DLGAP1: variants seen among roughly 807,000 people sequenced by gnomAD.
DLGAP1 encodes disks large-associated protein 1.
DLGAP1 carries 11 observed loss-of-function variants against 90.8 expected under a neutral mutation model. The ratio of observed to expected loss-of-function variants is 0.12; its 90% confidence interval spans 0.08 to 0.20. The LOEUF (loss-of-function observed/expected upper bound fraction) is 0.20, where lower values mean the gene tolerates loss of function less well. Among genes scored for constraint, DLGAP1 ranks in the 10% least tolerant of loss-of-function variants. The pLI, the probability that DLGAP1 is intolerant of heterozygous loss-of-function variation, is 1.00. For missense variants in DLGAP1, 1,050 were observed against 1,333.8 expected, an observed-to-expected ratio of 0.79 and a Z score of 3.31; for synonymous variants, 558 against 540.7, an observed-to-expected ratio of 1.03 and a Z score of -0.44.
intron 6 of DLGAP1, among the ~76,000 whole-genome samples, chr18:3,741,122 C>T (rs1166730177): frequency 7.8e-6 from 1 of 127,862 alleles, no homozygotes. Flanking sequence ...CCACCACCAT[C>T]ACCACCACCA....
At chr18:3,838,239 C>A (rs1204907307) in intron 4 of DLGAP1, among the ~76,000 whole-genome samples, 1 of 152,160 alleles carries the variant, frequency 6.6e-6, no homozygotes, top group East Asian at 1.9e-4. Flanking sequence ...TGTAACTAGT[C>A]CAGTTGAGCT....
chr18:3,930,182 G>A (rs2072484630), intron 3 of DLGAP1, among the ~76,000 whole-genome samples: 1 of 152,134 alleles, frequency 6.6e-6, no homozygotes, highest in Non-Finnish European at 1.5e-5. Flanking sequence ...GTGGGCCATA[G>A]GAAGTTCTTT....
chr18:4,129,544 T>C (rs2076282941), intron 2 of DLGAP1, among the ~76,000 whole-genome samples: 1 of 152,204 alleles, frequency 6.6e-6, no homozygotes. Context: ...GCCAATCTGC[T>C]TTCTTGTAGA....
At chr18:4,211,646 T>C (rs550606052) in intron 1 of DLGAP1, among the ~76,000 whole-genome samples, 5 of 152,238 alleles carry the variant, frequency 3.3e-5, no homozygotes, top group Middle Eastern at 3.4e-3. Context: ...TGGTGAGTCA[T>C]GATTCCCTGC....
At chr18:3,759,739 G>C (rs2063872197) in intron 5 of DLGAP1, among the ~76,000 whole-genome samples, 1 of 152,198 alleles carries the variant, frequency 6.6e-6, no homozygotes, top group African/African-American at 2.4e-5. Flanking sequence ...TAACAGATGT[G>C]CAAGCAAGCA....
chr18:4,379,821 T>C (rs1238179873), intron 1 of DLGAP1, among the ~76,000 whole-genome samples: 2 of 152,160 alleles, frequency 1.3e-5, no homozygotes, highest in South Asian at 2.1e-4. Context: ...TAATTAAGTA[T>C]AGATTCTAAT....
At chr18:4,440,341 C>T (rs1382278410) in intron 1 of DLGAP1, among the ~76,000 whole-genome samples, 1 of 151,920 alleles carries the variant, frequency 6.6e-6, no homozygotes, top group East Asian at 1.9e-4. Flanking sequence ...TATTTTGACT[C>T]ACTTTCAATA....
chr18:3,564,544 T>C (rs1198757375), intron 9 of DLGAP1, among the ~76,000 whole-genome samples: 1 of 152,204 alleles, frequency 6.6e-6, no homozygotes, highest in Non-Finnish European at 1.5e-5. Context: ...GTAGTTATTT[T>C]TTCCTTCCCC....
At chr18:3,751,225 T>C (rs1301765948) in intron 5 of DLGAP1, among the ~76,000 whole-genome samples, 1 of 152,178 alleles carries the variant, frequency 6.6e-6, no homozygotes, top group African/African-American at 2.4e-5. Context: ...AGTAAATAAA[T>C]AAATGAAGAG....
rs140455891 is a variant in DLGAP1 at position 3,800,395 on chromosome 18, C to T, written c.1172+13664G>A. On this transcript the variant is annotated intron_variant, in intron 5 of 12. Transcript: ENST00000315677. The stretch of plus-strand genomic sequence containing the variant: ...TGCATAAAGAATATTACCCATTCAA[C>T]TAGGGAAGTGGTTGTATAAATTATA... Among the ~76,000 whole-genome samples, 270 of 152,238 alleles carry T rather than the reference C, an allele frequency of 1.8e-3. 1 individual carries two copies. Among genetic ancestry groups the T allele is most frequent in the African/African-American group, 6.0e-3 (251 of 41,540 alleles).
At chr18:3,580,613 G>A in intron 8 of DLGAP1, 1 of 1,589,998 alleles carries the variant, frequency 6.3e-7, no homozygotes, top group Non-Finnish European at 8.6e-7. Context: ...TGGACTGGAA[G>A]AATGTGCCGG....
chr18:4,370,780 G>A (rs514621), intron 1 of DLGAP1, among the ~76,000 whole-genome samples: 1 of 150,998 alleles, frequency 6.6e-6, no homozygotes, highest in Non-Finnish European at 1.5e-5. Context: ...TTTTTTTTCA[G>A]AAATAAGACC....
At chr18:3,863,405 T>C (rs1019117809) in intron 4 of DLGAP1, among the ~76,000 whole-genome samples, 2 of 152,142 alleles carry the variant, frequency 1.3e-5, no homozygotes, top group African/African-American at 2.4e-5. Flanking sequence ...GTTAGAAAAA[T>C]CATCCCAATC....
At chr18:3,811,555 T>C (rs144814823) in intron 5 of DLGAP1, among the ~76,000 whole-genome samples, 180 of 152,300 alleles carry the variant, frequency 1.2e-3, no homozygotes, top group African/African-American at 4.0e-3. Flanking sequence ...CCACTTTGAA[T>C]TTCTGTAAGT....
At chr18:4,418,657 T>C (rs2082959101) in intron 1 of DLGAP1, among the ~76,000 whole-genome samples, 1 of 151,876 alleles carries the variant, frequency 6.6e-6, no homozygotes, top group South Asian at 2.1e-4. Flanking sequence ...ACTACTCAAA[T>C]AGAAATATAT....
chr18:4,423,641 T>C (rs2083088356), intron 1 of DLGAP1, among the ~76,000 whole-genome samples: 1 of 152,102 alleles, frequency 6.6e-6, no homozygotes, highest in Non-Finnish European at 1.5e-5. Context: ...AGGGTTGATA[T>C]GTCATTACCA....
chr18:4,406,479 T>G (rs1230359123), intron 1 of DLGAP1, among the ~76,000 whole-genome samples: 1 of 152,172 alleles, frequency 6.6e-6, no homozygotes, highest in Non-Finnish European at 1.5e-5. Context: ...CATATTTTAA[T>G]CGGTGAAACA....
intron 11 of DLGAP1, among the ~76,000 whole-genome samples, chr18:3,505,511 G>A (rs552128487): frequency 5.9e-4 from 89 of 151,690 alleles, no homozygotes; most frequent in African/African-American, 1.2e-3. Flanking sequence ...CGTGGTGGGC[G>A]CCTATAGTCC....
intron 1 of DLGAP1, among the ~76,000 whole-genome samples, chr18:4,288,647 C>T (rs144019373): frequency 2.4e-4 from 37 of 151,824 alleles, no homozygotes; most frequent in African/African-American, 8.2e-4. Flanking sequence ...GCACAGCTCT[C>T]GCAGGGGGAA....
Sources: gnomAD v4.1 joint callset for allele counts (sites outside exome capture counted in the v4.1 genomes callset) on GRCh38, gnomAD v4.1.1 for gene constraint, MANE v1.5 for transcripts, NCBI Gene and HGNC (gene_info 2026-07-23, HGNC 2026-07-21) for gene names.